Variants in LRMDA observed in about 807,000 individuals in gnomAD.
LRMDA encodes the protein leucine-rich melanocyte differentiation-associated protein.
In LRMDA, 18 loss-of-function variants were observed where a neutral mutation model predicts 29.8. The observed-to-expected ratio is 0.60, with a 90% CI of 0.42 to 0.90. The LOEUF is 0.90. Ranked by LOEUF, LRMDA falls within the 40% of genes least tolerant of loss-of-function variation. The pLI, the probability that LRMDA is intolerant of heterozygous loss-of-function variation, is 0.00. For missense variants in LRMDA, 273 were observed against 273.9 expected (o/e 1.00, Z 0.02); for synonymous variants, 125 against 109.4 (o/e 1.14, Z -0.89).
At chr10:75,812,325 T>C (rs992141132) in intron 2 of LRMDA, among the ~76,000 whole-genome samples, 3 of 152,122 alleles carry the variant, frequency 2.0e-5, no homozygotes, top group Non-Finnish European at 4.4e-5. Context: ...CCCGTCAATG[T>C]AGCATGAAAC....
chr10:76,394,493 G>A (rs1364904398), intron 6 of LRMDA, among the ~76,000 whole-genome samples: 3 of 152,166 alleles, frequency 2.0e-5, no homozygotes, highest in Admixed American at 2.0e-4. Context: ...AGAAGGTTGT[G>A]TTCCTGACTG....
At chr10:76,275,243 T>TTTC (rs1840116548) in intron 5 of LRMDA, among the ~76,000 whole-genome samples, 1 of 152,104 alleles carries the variant, frequency 6.6e-6, no homozygotes, top group Non-Finnish European at 1.5e-5. Context: ...CAGACTGACT[T>TTTC]TTCTTCCTTG....
intron 2 of LRMDA, among the ~76,000 whole-genome samples, chr10:75,928,428 G>A (rs1846156369): frequency 1.3e-5 from 2 of 152,088 alleles, no homozygotes; most frequent in South Asian, 4.1e-4. Context: ...CCTTACTCCA[G>A]TGAAGCTAAA....
chr10:75,868,862 A>G (rs564461646), intron 2 of LRMDA, among the ~76,000 whole-genome samples: 1 of 152,268 alleles, frequency 6.6e-6, no homozygotes, highest in Non-Finnish European at 1.5e-5. Context: ...TCCTTAACAC[A>G]TGCAGCTCCG....
chr10:76,420,867 C>T (rs547064638), intron 6 of LRMDA, among the ~76,000 whole-genome samples: 81 of 152,094 alleles, frequency 5.3e-4, no homozygotes, highest in Non-Finnish European at 9.3e-4. Flanking sequence ...AATTTCATTC[C>T]GGTCAGAGAA....
intron 5 of LRMDA, among the ~76,000 whole-genome samples, chr10:76,105,055 C>T (rs187305000): frequency 1.5e-4 from 23 of 152,252 alleles, no homozygotes; most frequent in African/African-American, 5.5e-4. Context: ...TTCTATGAGC[C>T]TCACCCAAAC....
At chr10:75,660,386 G>T (rs1841736505) in intron 2 of LRMDA, among the ~76,000 whole-genome samples, 1 of 152,202 alleles carries the variant, frequency 6.6e-6, no homozygotes, top group Non-Finnish European at 1.5e-5. Flanking sequence ...CACCAGGGCT[G>T]ATTAGTGTTT....
chr10:75,973,124 C>T (rs957786846), intron 2 of LRMDA, among the ~76,000 whole-genome samples: 4 of 151,994 alleles, frequency 2.6e-5, no homozygotes, highest in Non-Finnish European at 4.4e-5. Context: ...AAGTGTTTCA[C>T]ATCCACTCTC....
At chr10:76,230,280 G>T (rs1344042888) in intron 5 of LRMDA, among the ~76,000 whole-genome samples, 1 of 152,082 alleles carries the variant, frequency 6.6e-6, no homozygotes, top group Admixed American at 6.5e-5. Context: ...AGAATTAAGC[G>T]AGTCAGTAGT....
In LRMDA at chr10:75,838,100, G is replaced by T. The variant is rs562501181; in HGVS notation, c.132-197908G>T. Among the ~76,000 whole-genome samples the T allele has an allele frequency of 4.6e-5, 7 of 152,272 alleles. 1 individual carries two copies. The South Asian group carries it at 1.5e-3, about 32-fold the overall frequency. ...AGGGGCAGGAAAATCAACTAAATTT[G>T]ATGACTGAAATGTTCTATTTTTCAA... On this transcript the variant is annotated intron_variant, in intron 2 of 6. Coordinates refer to ENST00000611255, the MANE Select transcript of LRMDA (RefSeq NM_001305581.2).
chr10:75,994,820 T>C (rs1185154148), intron 2 of LRMDA, among the ~76,000 whole-genome samples: 1 of 152,202 alleles, frequency 6.6e-6, no homozygotes, highest in Non-Finnish European at 1.5e-5. Flanking sequence ...ATTGTCTAAA[T>C]AACGCAGCAA....
chr10:75,904,992 G>C (rs1845734811), intron 2 of LRMDA, among the ~76,000 whole-genome samples: 1 of 152,110 alleles, frequency 6.6e-6, no homozygotes. Flanking sequence ...AGGGGAGAGA[G>C]GGGGAGAAAG....
chr10:76,344,906 A>C (rs1390863549), intron 6 of LRMDA, among the ~76,000 whole-genome samples: 1 of 151,730 alleles, frequency 6.6e-6, no homozygotes, highest in Non-Finnish European at 1.5e-5. Flanking sequence ...TTAAGTGAAA[A>C]AAAAAAAGAA....
At position 76,557,446 on chromosome 10, in the gene LRMDA, G is replaced by T. The variant is rs918144721; in HGVS notation, c.*158G>T. 1.7e-5 allele frequency: 11 copies of T among 641,188 alleles called. No homozygotes were observed. Among genetic ancestry groups the T allele is most frequent in the African/African-American group, 1.6e-4 (9 of 54,726 alleles). The allele number at this position is 641,188 out of a possible 1,614,324, so 39.7% of individuals were successfully genotyped here. On this transcript the variant is annotated 3_prime_UTR_variant, in exon 7 of 7. Coordinates refer to ENST00000611255, the MANE Select transcript of LRMDA (RefSeq NM_001305581.2). ...TGGTACCTTCCGCTGACTTTGCCAGGCCTGTCAAGATGATCCTTCTGCCTT... is the reference window on the plus strand; with the variant it reads ...TGGTACCTTCCGCTGACTTTGCCAGTCCTGTCAAGATGATCCTTCTGCCTT...
chr10:75,879,505 C>A (rs866074036), intron 2 of LRMDA, among the ~76,000 whole-genome samples: 1 of 152,130 alleles, frequency 6.6e-6, no homozygotes, highest in Non-Finnish European at 1.5e-5. Flanking sequence ...TGGAAAATGC[C>A]GGCCAGGTCC....
At chr10:75,451,425 G>T (rs1217446026) in intron 2 of LRMDA, 1 of 152,102 alleles carries the variant, frequency 6.6e-6, no homozygotes, top group Admixed American at 6.5e-5. Context: ...CTTTGCTGTG[G>T]GTACATCGCG....
At chr10:75,894,266 A>G (rs1461302328) in intron 2 of LRMDA, among the ~76,000 whole-genome samples, 2 of 152,028 alleles carry the variant, frequency 1.3e-5, no homozygotes, top group African/African-American at 4.8e-5. Context: ...CATATCAGTG[A>G]GAACATACGA....
At chr10:75,762,117 A>G (rs1843105222) in intron 2 of LRMDA, among the ~76,000 whole-genome samples, 1 of 152,184 alleles carries the variant, frequency 6.6e-6, no homozygotes, top group African/African-American at 2.4e-5. Context: ...CAGGCCTGGC[A>G]TAATTTTTGA....
intron 6 of LRMDA, among the ~76,000 whole-genome samples, chr10:76,465,234 T>C (rs1365373992): frequency 6.6e-6 from 1 of 152,160 alleles, no homozygotes; most frequent in Admixed American, 6.5e-5. Context: ...TCACCAGGAA[T>C]ATTTGTGGCC....
Sources: allele counts gnomAD v4.1 joint callset (sites outside exome capture counted in the v4.1 genomes callset), GRCh38; gene constraint gnomAD v4.1.1; transcripts MANE v1.5; gene names NCBI Gene and HGNC (gene_info 2026-07-23, HGNC 2026-07-21).